Variants in RTL4 observed in about 807,000 individuals in gnomAD.
The protein encoded by RTL4 is retrotransposon Gag like 4, also known as retrotransposon Gag-like protein 4.
A neutral mutation model predicts 5.3 loss-of-function variants in RTL4; 4 were observed. The observed-to-expected ratio is 0.75, with a 90% confidence interval of 0.37 to 1.72. The LOEUF is 1.72. Among genes scored for constraint, RTL4 ranks in the 40% most tolerant of loss-of-function variants. The pLI is 0.04. For missense variants in RTL4, 260 were observed against 227.1 expected (o/e 1.14, Z -0.93); for synonymous variants, 98 against 87.3 (o/e 1.12, Z -0.68).
chrX:112,142,871 C>T, the RTL4 span, among the ~76,000 whole-genome samples: 1 of 111,314 alleles, frequency 9.0e-6, no homozygotes, highest in African/African-American at 3.3e-5. Flanking sequence ...TTCTGTCACC[C>T]AGGCTAGAGT....
the RTL4 span, among the ~76,000 whole-genome samples, chrX:112,230,963 A>G: frequency 7.1e-5 from 8 of 111,938 alleles, no homozygotes; most frequent in Non-Finnish European, 1.5e-4. Context: ...GCCAAAAAAC[A>G]CATGAAAAAA....
chrX:112,445,135 A>G, the RTL4 span, among the ~76,000 whole-genome samples: 1 of 109,379 alleles, frequency 9.1e-6, no homozygotes, highest in Non-Finnish European at 1.9e-5. Context: ...GTCTATTATA[A>G]GCAAAGGTAT....
chrX:112,390,109 ATATATAT>A, the RTL4 span, among the ~76,000 whole-genome samples: 17 of 1,365 alleles, frequency 0.012, no homozygotes, highest in African/African-American at 0.029. Context: ...TATATATAAT[ATATATAT>A]ATATATATAT....
the RTL4 span, among the ~76,000 whole-genome samples, chrX:112,228,977 C>T: frequency 4.5e-5 from 5 of 112,074 alleles, no homozygotes; most frequent in South Asian, 7.5e-4. Context: ...AAACACCAGA[C>T]GTCAAAACCT....
At chrX:112,352,861 C>A in the RTL4 span, among the ~76,000 whole-genome samples, 16 of 111,729 alleles carry the variant, frequency 1.4e-4, no homozygotes, top group African/African-American at 4.9e-4. Context: ...AGCTTCTGCA[C>A]AGCAAAAGAA....
chrX:112,372,620 T>C, the RTL4 span, among the ~76,000 whole-genome samples: 1 of 111,332 alleles, frequency 9.0e-6, no homozygotes, highest in South Asian at 3.8e-4. Flanking sequence ...TTCTTGCCTA[T>C]GGGCCAGCAG....
the RTL4 span, among the ~76,000 whole-genome samples, chrX:112,419,825 G>A: frequency 4.3e-3 from 463 of 107,302 alleles, 1 homozygote; most frequent in African/African-American, 0.015. Flanking sequence ...TGCAGCCAGG[G>A]CTACCATATG....
At chrX:112,421,652 C>T in the RTL4 span, among the ~76,000 whole-genome samples, 1 of 112,057 alleles carries the variant, frequency 8.9e-6, no homozygotes, top group African/African-American at 3.2e-5. Context: ...TAACTAGCCT[C>T]CACAGTGAAC....
chrX:112,331,577 A>G, the RTL4 span, among the ~76,000 whole-genome samples: 8 of 106,286 alleles, frequency 7.5e-5, no homozygotes, highest in African/African-American at 2.7e-4. Flanking sequence ...AAACTAGTTC[A>G]ACCATTGTGG....
the RTL4 span, among the ~76,000 whole-genome samples, chrX:112,099,406 T>C: frequency 9.0e-6 from 1 of 111,434 alleles, no homozygotes; most frequent in Non-Finnish European, 1.9e-5. Context: ...GTAGGCTTCA[T>C]GGAATAGGTG....
chrX:112,337,980 C>A, the RTL4 span, among the ~76,000 whole-genome samples: 1 of 111,883 alleles, frequency 8.9e-6, no homozygotes. Context: ...TGGATCACTT[C>A]TTCACTGTCT....
At chrX:112,324,928 C>G in the RTL4 span, among the ~76,000 whole-genome samples, 5 of 111,232 alleles carry the variant, frequency 4.5e-5, no homozygotes, top group African/African-American at 1.6e-4. Flanking sequence ...TCTAGTGGTT[C>G]TATCCATGAT....
the RTL4 span, among the ~76,000 whole-genome samples, chrX:112,178,676 T>G: frequency 0.013 from 1,466 of 111,989 alleles, 12 homozygotes; most frequent in Admixed American, 0.025. Context: ...TTTATGATTA[T>G]CTCATCTGTG....
At chrX:112,393,161 GTTTT>G in the RTL4 span, among the ~76,000 whole-genome samples, 3 of 71,304 alleles carry the variant, frequency 4.2e-5, no homozygotes, top group African/African-American at 1.0e-4. Context: ...TTTTTTTTTT[GTTTT>G]TTTTTTTTGT....
chrX:112,419,975 G>T, the RTL4 span, among the ~76,000 whole-genome samples: 1 of 110,662 alleles, frequency 9.0e-6, no homozygotes, highest in African/African-American at 3.3e-5. Flanking sequence ...CACCAGAAAT[G>T]GGAAATTTCT....
At chrX:112,361,970 A>G in the RTL4 span, among the ~76,000 whole-genome samples, 3 of 111,685 alleles carry the variant, frequency 2.7e-5, no homozygotes, top group Admixed American at 2.9e-4. Context: ...CCAATAATAG[A>G]TGCCACTCCC....
At chrX:112,166,617 T>A in the RTL4 span, among the ~76,000 whole-genome samples, 2 of 111,892 alleles carry the variant, frequency 1.8e-5, no homozygotes, top group Non-Finnish European at 3.8e-5. Context: ...TCTCTTTTAC[T>A]CAGGTTAACT....
At chrX:112,330,476 A>G in the RTL4 span, among the ~76,000 whole-genome samples, 1 of 110,730 alleles carries the variant, frequency 9.0e-6, no homozygotes, top group Non-Finnish European at 1.9e-5. Flanking sequence ...TTCAGGGAGA[A>G]CTACAAATCA....
At chrX:112,352,501 T>G in the RTL4 span, among the ~76,000 whole-genome samples, 3,376 of 110,516 alleles carry the variant, frequency 0.031, 46 homozygotes, top group African/African-American at 0.038. Context: ...CAATGGAACA[T>G]AACAGAGCCC....
Sources: gnomAD v4.1 joint callset for allele counts (sites outside exome capture counted in the v4.1 genomes callset) on GRCh38, gnomAD v4.1.1 for gene constraint, MANE v1.5 for transcripts, NCBI Gene and HGNC (gene_info 2026-07-23, HGNC 2026-07-21) for gene names.